The following PRKCH variants were observed in gnomAD, a reference collection of about 807,000 sequenced individuals.
PRKCH encodes protein kinase C eta, also known as protein kinase C eta type.
In PRKCH, 28 loss-of-function variants were observed where a neutral mutation model predicts 82.5. The ratio of observed to expected loss-of-function variants is 0.34; its 90% CI spans 0.25 to 0.47. The LOEUF is 0.47. PRKCH is among the 20% of genes least tolerant of loss of function. The pLI, the probability that PRKCH is intolerant of heterozygous loss-of-function variation, is 1.00. For synonymous variants in PRKCH, 322 were observed against 327.4 expected (o/e 0.98, Z 0.18); for missense variants, 705 against 881.8 (o/e 0.80, Z 2.54).
chr14:61,202,978 A>G (rs993624434), intron 1 of PRKCH, among the ~76,000 whole-genome samples: 3 of 152,014 alleles, frequency 2.0e-5, no homozygotes, highest in Non-Finnish European at 4.4e-5. Context: ...ACAGTATCAT[A>G]CAGAATAGTT....
intron 1 of PRKCH, among the ~76,000 whole-genome samples, chr14:61,210,107 AACAAATATATATATATAT>A (rs2044558804): frequency 2.8e-5 from 3 of 107,764 alleles, no homozygotes; most frequent in South Asian, 3.4e-4. Context: ...CAAACAAACA[AACAAATATATATATATAT>A]ATATATATAT....
intron 1 of PRKCH, among the ~76,000 whole-genome samples, chr14:61,343,558 A>AT (rs1012021105): frequency 2.7e-4 from 41 of 151,550 alleles, no homozygotes; most frequent in African/African-American, 4.6e-4. Context: ...ACGATGATAG[A>AT]TTTTTTTTTA....
At chr14:61,234,754 T>C (rs2044773844) in intron 1 of PRKCH, among the ~76,000 whole-genome samples, 1 of 152,230 alleles carries the variant, frequency 6.6e-6, no homozygotes, top group Non-Finnish European at 1.5e-5. Context: ...CATCTTCTAC[T>C]GTGTAAGCAA....
At chr14:61,473,653 C>G (rs988143637) in intron 9 of PRKCH, among the ~76,000 whole-genome samples, 1 of 152,156 alleles carries the variant, frequency 6.6e-6, no homozygotes, top group African/African-American at 2.4e-5. Flanking sequence ...GATGGGAGAT[C>G]AGTTTGGTGT....
intron 1 of PRKCH, among the ~76,000 whole-genome samples, chr14:61,249,056 C>T (rs1191896901): frequency 6.6e-6 from 1 of 152,120 alleles, no homozygotes; most frequent in Non-Finnish European, 1.5e-5. Flanking sequence ...CCTGCCTCGG[C>T]CTCCCAAAAT....
chr14:61,492,488 T>C (rs1274555342), intron 10 of PRKCH, among the ~76,000 whole-genome samples: 1 of 152,246 alleles, frequency 6.6e-6, no homozygotes, highest in African/African-American at 2.4e-5. Context: ...TTCGGATGAC[T>C]CATCTGCTGT....
At chr14:61,488,759 G>T (rs992875628) in intron 10 of PRKCH, among the ~76,000 whole-genome samples, 1 of 152,138 alleles carries the variant, frequency 6.6e-6, no homozygotes, top group African/African-American at 2.4e-5. Flanking sequence ...CAGTCTACTT[G>T]TCTCATTTGT....
chr14:61,539,447 G>A (rs1014688173), intron 12 of PRKCH, among the ~76,000 whole-genome samples: 2 of 152,200 alleles, frequency 1.3e-5, no homozygotes, highest in African/African-American at 4.8e-5. Context: ...AGAAAATAAA[G>A]TACACTGTGT....
chr14:61,413,418 C>CCCCCCCCCCCCCT (rs1226453137), intron 2 of PRKCH, among the ~76,000 whole-genome samples: 2 of 105,670 alleles, frequency 1.9e-5, no homozygotes, highest in Non-Finnish European at 2.0e-5. Context: ...CCCCCCGCCC[C>CCCCCCCCCCCCCT]GCCCATGTAC....
chr14:61,394,406 A>G (rs1261274932), intron 2 of PRKCH, among the ~76,000 whole-genome samples: 1 of 152,208 alleles, frequency 6.6e-6, no homozygotes, highest in African/African-American at 2.4e-5. Context: ...ATGTAGTATT[A>G]TGGAACATTG....
rs571945036 is a variant in PRKCH, at chr14:61,528,768, A to G, written c.1434-307A>G. ...ATAGGCTGAGTATGAGGTAAGTGGA[A>G]AGCCTAGAAAAGCCACATTCTGCCC... On this transcript the variant is annotated intron_variant, in intron 10 of 13. Coordinates refer to ENST00000332981, the MANE Select transcript of PRKCH (RefSeq NM_006255.5). 1.2e-4 allele frequency: 25 copies of G among 206,718 alleles called. 1 individual carries two copies. The South Asian group carries it at 2.0e-3, about 16-fold the overall frequency. 12.8% of individuals were successfully genotyped at this position (206,718 alleles called of 1,614,324 possible). A position where few individuals can be genotyped will look rare whatever the true frequency, so the allele number is the denominator to read the frequency against.
At chr14:61,358,384 C>T (rs1281227562) in intron 1 of PRKCH, among the ~76,000 whole-genome samples, 2 of 152,180 alleles carry the variant, frequency 1.3e-5, no homozygotes, top group South Asian at 2.1e-4. Context: ...CCTTTAGCTC[C>T]TTAATGCCTG....
At chr14:61,353,226 G>A (rs1035706766) in intron 1 of PRKCH, among the ~76,000 whole-genome samples, 1 of 152,190 alleles carries the variant, frequency 6.6e-6, no homozygotes, top group African/African-American at 2.4e-5. Flanking sequence ...CTTTTCTTGA[G>A]TGGAGAAGTA....
At chr14:61,250,559 A>G (rs770603551) in intron 1 of PRKCH, among the ~76,000 whole-genome samples, 13 of 152,180 alleles carry the variant, frequency 8.5e-5, no homozygotes, top group Non-Finnish European at 1.5e-4. Context: ...GGAGACAATA[A>G]AAAGATCAGT....
chr14:61,347,262 A>C (rs2046007495), intron 1 of PRKCH, among the ~76,000 whole-genome samples: 1 of 152,172 alleles, frequency 6.6e-6, no homozygotes, highest in Non-Finnish European at 1.5e-5. Context: ...ATTTTTATTT[A>C]ATTGTTTTCC....
At chr14:61,504,039 A>T (rs568967014) in intron 10 of PRKCH, among the ~76,000 whole-genome samples, 121 of 152,280 alleles carry the variant, frequency 7.9e-4, no homozygotes, top group Non-Finnish European at 1.2e-3. Flanking sequence ...AGAATTATTT[A>T]AAAAATTGTT....
intron 1 of PRKCH, among the ~76,000 whole-genome samples, chr14:61,215,059 TC>T (rs2044607413): frequency 1.3e-5 from 2 of 152,154 alleles, no homozygotes; most frequent in Non-Finnish European, 2.9e-5. Context: ...TTTCTTATTT[TC>T]CCTGGGCATT....
intron 1 of PRKCH, among the ~76,000 whole-genome samples, chr14:61,212,766 CT>C (rs758400654): frequency 1.6e-4 from 25 of 152,184 alleles, no homozygotes; most frequent in Non-Finnish European, 2.2e-4. Flanking sequence ...GTCCTTGGAT[CT>C]TACCAGTCTA....
Position 61,322,024 on chromosome 14 carries a change from G to A in PRKCH, c.-78G>A. On this transcript the variant is annotated 5_prime_UTR_variant, in exon 1 of 14. Transcript: ENST00000332981. ...CCTCGACTCCTGCACCTGTCCCGAGGGCTGGCCTGAGACGGGACTCCCGGT... is the reference window on the plus strand; with the variant it reads ...CCTCGACTCCTGCACCTGTCCCGAGAGCTGGCCTGAGACGGGACTCCCGGT... 1 of 1,448,724 alleles carries A rather than the reference G, an allele frequency of 6.9e-7. No individual in the cohort carries two copies. 89.7% of individuals were successfully genotyped at this position (1,448,724 alleles called of 1,614,324 possible).
Sources: allele counts gnomAD v4.1 joint callset (sites outside exome capture counted in the v4.1 genomes callset), GRCh38; gene constraint gnomAD v4.1.1; transcripts MANE v1.5; gene names NCBI Gene and HGNC (gene_info 2026-07-23, HGNC 2026-07-21).